DAB1: variants seen among roughly 807,000 people sequenced by gnomAD.
DAB1 encodes DAB adaptor protein 1, also known as disabled homolog 1.
DAB1 carries 15 observed loss-of-function variants against 64.6 expected under a neutral mutation model. That is an observed-to-expected ratio of 0.23 (90% CI 0.16 to 0.36). The LOEUF (loss-of-function observed/expected upper bound fraction) is 0.36. Ranked by LOEUF, DAB1 falls within the 10% of genes least tolerant of loss-of-function variation. The pLI is 1.00. For synonymous variants in DAB1, 235 were observed against 251.9 expected (o/e 0.93, Z 0.64); for missense variants, 596 against 706.7 (o/e 0.84, Z 1.78).
At chr1:57,250,723 G>C (rs1326823476) in intron 2 of DAB1, among the ~76,000 whole-genome samples, 1 of 152,086 alleles carries the variant, frequency 6.6e-6, no homozygotes, top group African/African-American at 2.4e-5. Context: ...GGCAACAGCT[G>C]TTCACTAGTT....
At chr1:58,476,305 A>G (rs966267173) in intron 3 of DAB1, among the ~76,000 whole-genome samples, 5 of 152,112 alleles carry the variant, frequency 3.3e-5, no homozygotes, top group Non-Finnish European at 7.3e-5. Flanking sequence ...GTCTTTGATG[A>G]TATCAGAGAC....
chr1:58,122,930 G>A (rs1021190267), intron 5 of DAB1, among the ~76,000 whole-genome samples: 2 of 152,182 alleles, frequency 1.3e-5, no homozygotes, highest in African/African-American at 2.4e-5. Flanking sequence ...TTCCTAGGAA[G>A]AGAAGGCAAG....
chr1:57,068,771 G>T (rs569326182), intron 8 of DAB1, among the ~76,000 whole-genome samples: 1 of 152,110 alleles, frequency 6.6e-6, no homozygotes. Flanking sequence ...GTACAACCCC[G>T]AGAAAGCTAC....
intron 9 of DAB1, among the ~76,000 whole-genome samples, chr1:57,049,727 A>G (rs1648982289): frequency 6.6e-6 from 1 of 151,954 alleles, no homozygotes; most frequent in Non-Finnish European, 1.5e-5. Flanking sequence ...TTGCCCTCAG[A>G]CCCATTCTTG....
At chr1:57,306,326 G>C (rs12562555) in intron 1 of DAB1, among the ~76,000 whole-genome samples, 24,807 of 152,076 alleles carry the variant, frequency 0.16, 3,456 homozygotes, top group African/African-American at 0.39. Context: ...GGCATAGATG[G>C]TCTTCTATTT....
At chr1:57,532,678 A>G (rs1644679724) in intron 7 of DAB1, among the ~76,000 whole-genome samples, 2 of 152,172 alleles carry the variant, frequency 1.3e-5, no homozygotes, top group African/African-American at 2.4e-5. Context: ...TGAGAGCACA[A>G]TGGGCTTTGG....
intron 2 of DAB1, among the ~76,000 whole-genome samples, chr1:57,153,814 AT>A (rs1659942015): frequency 6.6e-6 from 1 of 151,190 alleles, no homozygotes; most frequent in Admixed American, 6.6e-5. Flanking sequence ...ATTTTTTTGT[AT>A]TTTTTAGTAG....
intron 1 of DAB1, among the ~76,000 whole-genome samples, chr1:58,534,864 A>C (rs1646492884): frequency 6.6e-6 from 1 of 152,178 alleles, no homozygotes; most frequent in Non-Finnish European, 1.5e-5. Flanking sequence ...TGAGTCTAGG[A>C]GGTGGAGGTT....
chr1:58,113,543 T>G (rs1652115103), intron 5 of DAB1, among the ~76,000 whole-genome samples: 2 of 152,152 alleles, frequency 1.3e-5, no homozygotes, highest in South Asian at 4.1e-4. Context: ...TTCTGTGTAA[T>G]GAGAGTGTGT....
intron 5 of DAB1, among the ~76,000 whole-genome samples, chr1:58,134,516 GA>G (rs148204249): frequency 0.051 from 7,552 of 148,046 alleles, 221 homozygotes; most frequent in Admixed American, 0.08. Flanking sequence ...TAATTTATTT[GA>G]AAAAAAAAAG....
intron 7 of DAB1, among the ~76,000 whole-genome samples, chr1:57,557,329 T>C (rs1298075822): frequency 6.6e-6 from 1 of 152,186 alleles, no homozygotes; most frequent in Non-Finnish European, 1.5e-5. Context: ...GAACTCGGAC[T>C]GGCTCTCCTT....
intron 7 of DAB1, among the ~76,000 whole-genome samples, chr1:57,628,619 C>CT (rs938747443): frequency 6.6e-5 from 10 of 151,436 alleles, no homozygotes; most frequent in Non-Finnish European, 1.5e-4. Context: ...AATATCTAAC[C>CT]TCTTTGGTCA....
chr1:58,040,536 C>A (rs1343963587), intron 5 of DAB1, among the ~76,000 whole-genome samples: 3 of 152,132 alleles, frequency 2.0e-5, no homozygotes, highest in African/African-American at 7.2e-5. Context: ...TAATTTCTAC[C>A]AGTACAGATA....
intron 2 of DAB1, among the ~76,000 whole-genome samples, chr1:57,215,499 C>A (rs1191798098): frequency 6.6e-6 from 1 of 152,174 alleles, no homozygotes; most frequent in Non-Finnish European, 1.5e-5. Context: ...CAGAAACTTT[C>A]TGAGCACACA....
intron 4 of DAB1, among the ~76,000 whole-genome samples, chr1:58,154,832 G>A (rs543764891): frequency 1.3e-5 from 2 of 152,256 alleles, no homozygotes; most frequent in African/African-American, 2.4e-5. Flanking sequence ...AGTTACTTTG[G>A]AATAGAGATT....
chr1:57,615,691 T>G (rs1420179730), intron 7 of DAB1, among the ~76,000 whole-genome samples: 2 of 62,632 alleles, frequency 3.2e-5, no homozygotes, highest in African/African-American at 9.8e-5. Context: ...GAGAGAGAAT[T>G]GAGTCAAAGA....
intron 1 of DAB1, among the ~76,000 whole-genome samples, chr1:58,541,112 C>CCAGCCTGGCCAACTAT (rs71043291): frequency 6.6e-6 from 1 of 151,204 alleles, no homozygotes; most frequent in Admixed American, 6.6e-5. Flanking sequence ...GCATTCGAGG[C>CCAGCCTGGCCAACTAT]GTGAAACCCC....
chr1:57,229,989 G>C (rs535859902), intron 2 of DAB1, among the ~76,000 whole-genome samples: 4 of 152,192 alleles, frequency 2.6e-5, no homozygotes, highest in African/African-American at 9.6e-5. Context: ...TTCCTTATTT[G>C]GTCTTTGTAA....
chr1:58,260,144 A>C (rs193043609), intron 4 of DAB1, among the ~76,000 whole-genome samples: 1 of 152,256 alleles, frequency 6.6e-6, no homozygotes, highest in East Asian at 1.9e-4. Flanking sequence ...TGTGACCCAG[A>C]AAACTATGAG....
Sources: gnomAD v4.1 joint callset for allele counts (sites outside exome capture counted in the v4.1 genomes callset) on GRCh38, gnomAD v4.1.1 for gene constraint, MANE v1.5 for transcripts, NCBI Gene and HGNC (gene_info 2026-07-23, HGNC 2026-07-21) for gene names.